Variants in CDCP1 observed in about 807,000 individuals in gnomAD.
The protein encoded by CDCP1 is CUB domain-containing protein 1.
CDCP1 carries 29 observed loss-of-function variants against 60.2 expected under a neutral mutation model. That is an observed-to-expected ratio of 0.48 (90% CI 0.36 to 0.66). The LOEUF is 0.66. CDCP1 is among the 30% of genes least tolerant of loss of function. The probability of loss-of-function intolerance (pLI) is 0.00; values close to 1 mark genes in which losing one functional copy is unlikely to be tolerated. For missense variants in CDCP1, 876 were observed against 1,074.3 expected (o/e 0.82, Z 2.58); for synonymous variants, 387 against 431.1 (o/e 0.90, Z 1.27).
chr3:45,144,717 A>C (rs1223243062), intron 1 of CDCP1, among the ~76,000 whole-genome samples: 2 of 152,258 alleles, frequency 1.3e-5, no homozygotes, highest in Non-Finnish European at 2.9e-5. Flanking sequence ...CCAGAGTTTC[A>C]ATACTGTTCC....
rs548291997 is a variant in CDCP1, at chr3:45,085,756, G to A, written c.2393C>T (p.Pro798Leu). 5.0e-6 allele frequency: 8 copies of A among 1,614,176 alleles called. No homozygotes were observed. In the East Asian group the frequency reaches 1.8e-4, roughly 36 times the overall value. Residue 798 changes from proline to leucine, a missense_variant, in exon 9 of 9, where the codon CCT (proline) becomes CTT (leucine). By Grantham distance (98) the Pro-to-Leu change is moderately conservative (BLOSUM62 -3). Coordinates refer to ENST00000296129, the MANE Select transcript of CDCP1 (RefSeq NM_022842.5). The surrounding 1 kb of genome is among the most constrained non-coding windows in gnomAD (Gnocchi z 4.2). ...GTACGGTTCACTCTCAGACTCAGGA[G>A]GGGAGCGAGGAGGTGGCTCCTCAGT... ...LATEEPPPRS[P>L]PESESEPYTF... is the part of the protein sequence containing the mutation.
intron 4 of CDCP1, among the ~76,000 whole-genome samples, chr3:45,101,407 C>T (rs1354276194): frequency 6.6e-6 from 1 of 152,218 alleles, no homozygotes; most frequent in Non-Finnish European, 1.5e-5. Flanking sequence ...CACTGCTTCC[C>T]TGGACCCAAC....
intron 1 of CDCP1, among the ~76,000 whole-genome samples, chr3:45,129,781 C>A (rs1473343962): frequency 6.6e-6 from 1 of 152,190 alleles, no homozygotes; most frequent in East Asian, 1.9e-4. Flanking sequence ...AATGGTCCAA[C>A]CTTGCCATCA....
chr3:45,146,142 C>T (rs1699383821), intron 1 of CDCP1, 64 bp downstream of exon 1: 4 of 1,439,536 alleles, frequency 2.8e-6, no homozygotes, highest in Admixed American at 2.2e-5. Flanking sequence ...GCATCTCCGC[C>T]GGGCGTCCGC....
At chr3:45,096,770 T>C (rs1698406588) in intron 4 of CDCP1, among the ~76,000 whole-genome samples, 1 of 151,776 alleles carries the variant, frequency 6.6e-6, no homozygotes. Context: ...TATTTATATA[T>C]ACAGACTTAT....
chr3:45,094,016 G>A (rs1442328775), intron 5 of CDCP1, among the ~76,000 whole-genome samples: 1 of 152,164 alleles, frequency 6.6e-6, no homozygotes, highest in African/African-American at 2.4e-5. Context: ...GTGTTGCTCA[G>A]GAGGCAGTTC....
intron 4 of CDCP1, among the ~76,000 whole-genome samples, chr3:45,103,082 C>T (rs1698508122): frequency 6.6e-6 from 1 of 152,068 alleles, no homozygotes. Flanking sequence ...AAAGAAAGAT[C>T]TAGAACATTC....
At chr3:45,097,507 TA>T (rs375695747) in intron 4 of CDCP1, among the ~76,000 whole-genome samples, 2,044 of 126,600 alleles carry the variant, frequency 0.016, 15 homozygotes, top group Middle Eastern at 0.025. Context: ...TTCTTTTGTT[TA>T]AAAAAAAAAA....
chr3:45,105,669 G>C (rs1440210404), intron 4 of CDCP1, among the ~76,000 whole-genome samples: 1 of 152,198 alleles, frequency 6.6e-6, no homozygotes, highest in African/African-American at 2.4e-5. Flanking sequence ...AAGCCTTATA[G>C]ATGGGTAGAT....
intron 1 of CDCP1, among the ~76,000 whole-genome samples, chr3:45,126,107 TC>T (rs1698978915): frequency 1.7e-5 from 2 of 117,948 alleles, no homozygotes; most frequent in South Asian, 2.7e-4. Flanking sequence ...TTTGTCTCTC[TC>T]TCTTTCTTTC....
At chr3:45,090,709 A>T (rs538320153) in intron 7 of CDCP1, among the ~76,000 whole-genome samples, 2 of 152,224 alleles carry the variant, frequency 1.3e-5, no homozygotes, top group Non-Finnish European at 2.9e-5. Context: ...TAAAAGTATC[A>T]AAAGACCTTA....
Position 45,085,685 on chromosome 3 carries a change from C to G in CDCP1, c.2464G>C (p.Asp822His). The change falls in exon 9 of 9, where the codon GAC becomes CAC. Residue 822 changes from aspartate to histidine, a missense_variant. By Grantham distance (81) the Asp-to-His change is moderately conservative. Transcript: ENST00000296129. The surrounding 1 kb of genome is among the most constrained non-coding windows in gnomAD (Gnocchi z 4.2). ...NNGDVSSKDT[D>H]IPLLNTQEPM... The stretch of plus-strand genomic sequence containing the variant: ...TCCTGAGTGTTCAGTAAGGGAATGT[C>G]TGTGTCCTTGCTGCTTACATCCCCA... 3 of 1,614,138 alleles carry G rather than the reference C, an allele frequency of 1.9e-6. No homozygotes were observed. The highest frequency in any genetic ancestry group is 2.5e-6 in the Non-Finnish European group (3 of 1,180,018).
At chr3:45,135,120 T>C (rs1036526011) in intron 1 of CDCP1, among the ~76,000 whole-genome samples, 15 of 152,096 alleles carry the variant, frequency 9.9e-5, no homozygotes, top group African/African-American at 3.6e-4. Context: ...ACGGAAGGCG[T>C]TATATCAACT....
intron 1 of CDCP1, chr3:45,139,544 T>C (rs1383731987): frequency 1.3e-5 from 2 of 152,338 alleles, no homozygotes; most frequent in African/African-American, 4.8e-5. Context: ...CTTTGGGATG[T>C]GCAGTCTGAA....
chr3:45,086,206 T>C (rs1698191435), intron 8 of CDCP1, 139 bp from the exon 9 acceptor site: 1 of 747,958 alleles, frequency 1.3e-6, no homozygotes, highest in African/African-American at 1.7e-5. Flanking sequence ...TGCTCAGCAT[T>C]TGAAACTGAA....
rs554078910 is a variant in CDCP1 at position 45,103,703 on chromosome 3, A to G, written c.1024+6770T>C. On this transcript the variant is annotated intron_variant, in intron 4 of 8. Transcript: ENST00000296129. ...TCAGTTTTCACAAGAGTGGGCTGTT[A>G]TAAAGCTAGGCTGCCTCTCATGTTT... is the stretch of plus-strand genomic sequence containing the variant. Among the ~76,000 whole-genome samples the G allele has an allele frequency of 3.2e-4, 48 of 152,320 alleles. 4 individuals are homozygous for G. In the South Asian group the frequency reaches 9.7e-3, roughly 31 times the overall value.
intron 2 of CDCP1, among the ~76,000 whole-genome samples, chr3:45,116,953 T>C: frequency 6.6e-6 from 1 of 152,230 alleles, no homozygotes; most frequent in Non-Finnish European, 1.5e-5. Flanking sequence ...TTAAGTCCAT[T>C]TTTATACCTT....
chr3:45,141,924 C>CG (rs1699296782), intron 1 of CDCP1, among the ~76,000 whole-genome samples: 1 of 152,040 alleles, frequency 6.6e-6, no homozygotes, highest in African/African-American at 2.4e-5. Context: ...CTCTGCCCCC[C>CG]GGGTTCAAGC....
Position 45,091,053 on chromosome 3 carries a change from C to G in CDCP1, c.1993+120G>C. On this transcript the variant is annotated intron_variant, in intron 7 of 8. Transcript: ENST00000296129. This position sits in a 1 kb window ranked among gnomAD's most constrained non-coding sequence, Gnocchi z 4.8. ...TCAGCACTATTGATGCAATAGCTGA[C>G]TGATACATGGACAGTCAGGACTCAA... 9.0e-7 allele frequency: 1 copy of G among 1,115,296 alleles called. No homozygotes were observed. Among genetic ancestry groups the G allele is most frequent in the South Asian group, 1.5e-5 (1 of 66,678 alleles). 69.1% of individuals were successfully genotyped at this position (1,115,296 alleles called of 1,614,324 possible). A position where few individuals can be genotyped will look rare whatever the true frequency, so the allele number is the denominator to read the frequency against.
Sources: gnomAD v4.1 joint callset for allele counts (sites outside exome capture counted in the v4.1 genomes callset) on GRCh38, gnomAD v4.1.1 for gene constraint, Gnocchi (gnomAD v3.1) non-coding constraint, MANE v1.5 for transcripts, NCBI Gene and HGNC (gene_info 2026-07-23, HGNC 2026-07-21) for gene names.